Variants in FRAS1 observed in about 807,000 individuals in gnomAD.
The protein encoded by FRAS1 is extracellular matrix organizing protein FRAS1.
FRAS1 carries 290 observed loss-of-function variants against 435.2 expected under a neutral mutation model. The observed-to-expected ratio is 0.67, with a 90% confidence interval of 0.61 to 0.73. The LOEUF is 0.73. Among genes scored for constraint, FRAS1 ranks in the 30% least tolerant of loss-of-function variants. The pLI, the probability that FRAS1 is intolerant of heterozygous loss-of-function variation, is 0.00. For synonymous variants in FRAS1, 1,800 were observed against 1,851.0 expected (o/e 0.97, Z 0.71); for missense variants, 4,860 against 5,001.5 (o/e 0.97, Z 0.85).
intron 4 of FRAS1, among the ~76,000 whole-genome samples, chr4:78,251,294 T>C (rs1369907487): frequency 6.6e-6 from 1 of 152,154 alleles, no homozygotes; most frequent in Non-Finnish European, 1.5e-5. Context: ...TTCCTGCTAC[T>C]TACAGTCAAA....
At chr4:78,452,072 G>A in intron 46 of FRAS1, 103 bp from the exon 47 acceptor site, 2 of 1,337,926 alleles carry the variant, frequency 1.5e-6, no homozygotes, top group South Asian at 2.5e-5. Context: ...CTAACACACA[G>A]GCCTAGAGAT....
intron 1 of FRAS1, among the ~76,000 whole-genome samples, chr4:78,060,452 G>C (rs987114108): frequency 3.3e-5 from 5 of 152,196 alleles, no homozygotes; most frequent in African/African-American, 1.2e-4. Flanking sequence ...TCTTCTCAGT[G>C]CACAGAGAGA....
chr4:78,328,375 T>C (rs1209564365), intron 18 of FRAS1, among the ~76,000 whole-genome samples: 1 of 152,230 alleles, frequency 6.6e-6, no homozygotes, highest in African/African-American at 2.4e-5. Context: ...TAAAGTCTGA[T>C]ATAAACCTAA....
At chr4:78,325,949 C>T (rs1181656671) in intron 18 of FRAS1, among the ~76,000 whole-genome samples, 1 of 152,190 alleles carries the variant, frequency 6.6e-6, no homozygotes, top group Non-Finnish European at 1.5e-5. Flanking sequence ...TGGAGAAGTA[C>T]AGCGTGTTTG....
chr4:78,528,141 T>A (rs1466957252), intron 70 of FRAS1, among the ~76,000 whole-genome samples: 1 of 152,066 alleles, frequency 6.6e-6, no homozygotes, highest in Non-Finnish European at 1.5e-5. Flanking sequence ...ATGTCGAGGT[T>A]TGAGAAGAGA....
intron 2 of FRAS1, among the ~76,000 whole-genome samples, chr4:78,231,302 A>G (rs570354155): frequency 1.3e-4 from 20 of 151,062 alleles, no homozygotes; most frequent in African/African-American, 4.6e-4. Context: ...AATTATATAT[A>G]TATATAAATT....
intron 9 of FRAS1, among the ~76,000 whole-genome samples, chr4:78,272,862 A>G (rs1478200677): frequency 6.6e-6 from 1 of 152,194 alleles, no homozygotes; most frequent in Non-Finnish European, 1.5e-5. Context: ...AGTCATTGGT[A>G]GCTTGATGGG....
At chr4:78,169,046 T>G (rs1427694984) in intron 2 of FRAS1, among the ~76,000 whole-genome samples, 2 of 152,106 alleles carry the variant, frequency 1.3e-5, no homozygotes, top group Non-Finnish European at 2.9e-5. Flanking sequence ...CTGCATCCAG[T>G]ACAAAGAGGG....
rs145577193 is a variant in FRAS1, at chr4:78,484,043, T to C, written c.8752+1508T>C. 8.5e-5 allele frequency among the ~76,000 whole-genome samples: 13 copies of C among 152,130 alleles called. No homozygotes were observed. In the East Asian group the frequency reaches 2.5e-3, roughly 29 times the overall value. ...CTCTGCAAAATTATCTCATGTGCCT[T>C]TGTCGTCTGTGTCTCCTTAGTCACC... On this transcript the variant is annotated intron_variant, in intron 58 of 73. Transcript: ENST00000512123.
chr4:78,498,510 GA>G (rs72239803), intron 60 of FRAS1, among the ~76,000 whole-genome samples: 21,549 of 130,944 alleles, frequency 0.16, 1,861 homozygotes, highest in Non-Finnish European at 0.23. Flanking sequence ...CTGTCTCAAA[GA>G]AAAAAAAAAA....
chr4:78,480,750 G>T (rs969546795), intron 56 of FRAS1, among the ~76,000 whole-genome samples: 2 of 152,200 alleles, frequency 1.3e-5, no homozygotes, highest in African/African-American at 4.8e-5. Context: ...TATGCTGCAG[G>T]CAGATATACT....
At chr4:78,211,375 A>G (rs556087840) in intron 2 of FRAS1, among the ~76,000 whole-genome samples, 33 of 152,258 alleles carry the variant, frequency 2.2e-4, no homozygotes, top group Non-Finnish European at 4.6e-4. Flanking sequence ...GAAAGTTTAT[A>G]TACTGTCATT....
intron 22 of FRAS1, 61 bp from the exon 23 acceptor site, chr4:78,369,777 A>T: frequency 2.0e-6 from 3 of 1,496,418 alleles, no homozygotes; most frequent in Non-Finnish European, 2.7e-6. Context: ...TCTAGGTTTG[A>T]TCAGTGCTTC....
At chr4:78,426,497 T>C (rs1734003754) in intron 35 of FRAS1, among the ~76,000 whole-genome samples, 1 of 152,132 alleles carries the variant, frequency 6.6e-6, no homozygotes, top group African/African-American at 2.4e-5. Context: ...TGAGAGAGAA[T>C]TTTAAATTGG....
At position 78,181,280 on chromosome 4, in the gene FRAS1, T is replaced by G. The variant is rs555572372; in HGVS notation, c.109-56230T>G. On this transcript the variant is annotated intron_variant, in intron 2 of 73. Transcript: ENST00000512123. ...CTCTTCAACATCATTCTCCTTATTT[T>G]CAGTGTCTGCCACTGGATGATGTTC... 1.8e-5 allele frequency: 29 copies of G among 1,605,916 alleles called. No homozygotes were observed. The East Asian group carries it at 2.0e-4, about 11-fold the overall frequency.
intron 2 of FRAS1, among the ~76,000 whole-genome samples, chr4:78,069,562 C>A (rs1023978925): frequency 1.3e-4 from 19 of 149,508 alleles, no homozygotes; most frequent in African/African-American, 4.2e-4. Context: ...CAAGTTACAT[C>A]ATCTCTGGAA....
At chr4:78,127,552 A>C (rs550362725) in intron 2 of FRAS1, among the ~76,000 whole-genome samples, 1 of 152,236 alleles carries the variant, frequency 6.6e-6, no homozygotes, top group African/African-American at 2.4e-5. Flanking sequence ...AAGGTCATTA[A>C]GACTTGGTAG....
At chr4:78,270,325 T>G (rs775581491) in intron 9 of FRAS1, among the ~76,000 whole-genome samples, 58 of 152,156 alleles carry the variant, frequency 3.8e-4, no homozygotes, top group Non-Finnish European at 5.9e-5. Context: ...ATACCTTCCC[T>G]ACCTAATCAT....
At chr4:78,337,398 G>A (rs527817307) in intron 19 of FRAS1, among the ~76,000 whole-genome samples, 58 of 152,250 alleles carry the variant, frequency 3.8e-4, no homozygotes, top group Non-Finnish European at 6.9e-4. Flanking sequence ...TACACAGATG[G>A]AGATGATCAT....
Sources: gnomAD v4.1 joint callset for allele counts (sites outside exome capture counted in the v4.1 genomes callset) on GRCh38, gnomAD v4.1.1 for gene constraint, MANE v1.5 for transcripts, NCBI Gene and HGNC (gene_info 2026-07-23, HGNC 2026-07-21) for gene names.